ADAMTS3: variants seen among roughly 807,000 people sequenced by gnomAD.
ADAMTS3 encodes the protein ADAM metallopeptidase with thrombospondin type 1 motif 3, also known as A disintegrin and metalloproteinase with thrombospondin motifs 3.
A neutral mutation model predicts 129.0 loss-of-function variants in ADAMTS3; 73 were observed. That is an observed-to-expected ratio of 0.57 (90% CI 0.47 to 0.69). The LOEUF (loss-of-function observed/expected upper bound fraction) is 0.69, where lower values mean the gene tolerates loss of function less well. Among genes scored for constraint, ADAMTS3 ranks in the 30% least tolerant of loss-of-function variants. ADAMTS3 has a pLI of 0.00. For synonymous variants in ADAMTS3, 477 were observed against 510.8 expected, an observed-to-expected ratio of 0.93 and a Z score of 0.89; for missense variants, 1,457 against 1,514.5, an observed-to-expected ratio of 0.96 and a Z score of 0.63.
At chr4:72,518,761 A>T (rs1720570374) in intron 3 of ADAMTS3, among the ~76,000 whole-genome samples, 1 of 150,888 alleles carries the variant, frequency 6.6e-6, no homozygotes, top group Non-Finnish European at 1.5e-5. Context: ...TCCTGAATAC[A>T]GCACACTGAT....
At chr4:72,523,072 G>C (rs914042199) in intron 3 of ADAMTS3, among the ~76,000 whole-genome samples, 3 of 151,840 alleles carry the variant, frequency 2.0e-5, no homozygotes, top group Non-Finnish European at 4.4e-5. Flanking sequence ...AACTTTATAA[G>C]AGTCTTAGAT....
At chr4:72,439,290 AAAGT>A (rs1560516039) in intron 3 of ADAMTS3, among the ~76,000 whole-genome samples, 2 of 151,722 alleles carry the variant, frequency 1.3e-5, no homozygotes, top group Admixed American at 6.6e-5. Context: ...CAACAACAAA[AAAGT>A]ATTTAGCTTC....
At chr4:72,506,830 C>A (rs1720171428) in intron 3 of ADAMTS3, among the ~76,000 whole-genome samples, 1 of 152,148 alleles carries the variant, frequency 6.6e-6, no homozygotes. Context: ...CCCACATTTT[C>A]CCCCACCAGG....
intron 3 of ADAMTS3, among the ~76,000 whole-genome samples, chr4:72,471,822 T>C (rs1719082156): frequency 6.6e-6 from 1 of 152,100 alleles, no homozygotes; most frequent in African/African-American, 2.4e-5. Context: ...TCTCTGATTT[T>C]CATTATGGTA....
At chr4:72,381,669 T>C (rs1343324887) in intron 4 of ADAMTS3, among the ~76,000 whole-genome samples, 1 of 152,038 alleles carries the variant, frequency 6.6e-6, no homozygotes, top group Non-Finnish European at 1.5e-5. Context: ...CACCCAGAAC[T>C]GGACTGCAAA....
chr4:72,505,961 A>G (rs1173290681), intron 3 of ADAMTS3, among the ~76,000 whole-genome samples: 1 of 152,182 alleles, frequency 6.6e-6, no homozygotes, highest in African/African-American at 2.4e-5. Flanking sequence ...CTGAACAAAA[A>G]GAGTGGGGCA....
intron 3 of ADAMTS3, among the ~76,000 whole-genome samples, chr4:72,502,051 A>C (rs1478319538): frequency 6.6e-6 from 1 of 152,070 alleles, no homozygotes; most frequent in Non-Finnish European, 1.5e-5. Context: ...TCTATGTTTA[A>C]CAGAGATATT....
intron 5 of ADAMTS3, among the ~76,000 whole-genome samples, chr4:72,338,429 T>C (rs544815415): frequency 1.3e-5 from 2 of 152,152 alleles, no homozygotes; most frequent in Non-Finnish European, 2.9e-5. Context: ...TCTGTACTCA[T>C]TTTCCATTTC....
intron 3 of ADAMTS3, among the ~76,000 whole-genome samples, chr4:72,470,941 C>A (rs1421359436): frequency 6.6e-6 from 1 of 152,092 alleles, no homozygotes; most frequent in African/African-American, 2.4e-5. Context: ...AGTGCACAAC[C>A]ATATACCACT....
At chr4:72,504,542 C>T (rs1201570647) in intron 3 of ADAMTS3, among the ~76,000 whole-genome samples, 1 of 151,942 alleles carries the variant, frequency 6.6e-6, no homozygotes, top group Non-Finnish European at 1.5e-5. Flanking sequence ...GACCATATGC[C>T]TTAGGGATGT....
chr4:72,392,389 C>G (rs1721618013), intron 4 of ADAMTS3, among the ~76,000 whole-genome samples: 1 of 152,146 alleles, frequency 6.6e-6, no homozygotes, highest in African/African-American at 2.4e-5. Context: ...CCATCACCAC[C>G]CTATCCCATC....
intron 3 of ADAMTS3, among the ~76,000 whole-genome samples, chr4:72,501,960 GC>G (rs35979739): frequency 0.87 from 132,417 of 152,140 alleles, 58,676 homozygotes; most frequent in Middle Eastern, 0.97. Context: ...CAGCAATGAA[GC>G]CTACTTGATC....
At chr4:72,428,837 C>T (rs560820473) in intron 3 of ADAMTS3, among the ~76,000 whole-genome samples, 317 of 152,068 alleles carry the variant, frequency 2.1e-3, no homozygotes, top group African/African-American at 7.2e-3. Context: ...TATTAGAGCT[C>T]CCAAGACATG....
rs1221905757 is a variant in ADAMTS3 at position 72,319,325 on chromosome 4, G to T, written c.1352+7C>A. The T allele has an allele frequency of 1.2e-6, 2 of 1,613,660 alleles. No homozygotes were observed. The highest frequency in any genetic ancestry group is 2.7e-5 in the African/African-American group (2 of 74,876). Reference sequence around the variant, plus strand: ...AATACTTTCATGACATGCAGCAGGGGACATACTGGATATATCTTTTCAGTT... The same window carrying T: ...AATACTTTCATGACATGCAGCAGGGTACATACTGGATATATCTTTTCAGTT... On this transcript the variant is annotated splice_region_variant and intron_variant, in intron 9 of 21. Transcript: ENST00000286657.
At chr4:72,313,993 G>T (rs577831301) in intron 11 of ADAMTS3, among the ~76,000 whole-genome samples, 171 bp from the exon 12 acceptor site, 4 of 151,756 alleles carry the variant, frequency 2.6e-5, no homozygotes, top group Admixed American at 2.6e-4. Flanking sequence ...CCCTATTAAA[G>T]GGTAATTTAG....
intron 1 of ADAMTS3, 63 bp downstream of exon 1, chr4:72,568,631 G>A (rs1422571013): frequency 2.3e-6 from 3 of 1,292,542 alleles, no homozygotes; most frequent in East Asian, 2.4e-5. Flanking sequence ...GTAGAGAGGG[G>A]AGGAACTTTT....
chr4:72,287,259 A>AT (rs1001808447), intron 21 of ADAMTS3, among the ~76,000 whole-genome samples: 56 of 151,514 alleles, frequency 3.7e-4, no homozygotes, highest in African/African-American at 1.2e-3. Context: ...CTGAGCAATA[A>AT]TTTTTTTTTA....
At chr4:72,530,648 AATATT>A (rs1243538742) in intron 3 of ADAMTS3, among the ~76,000 whole-genome samples, 44 of 78,912 alleles carry the variant, frequency 5.6e-4, no homozygotes, top group African/African-American at 2.0e-3. Context: ...TATTATATAT[AATATT>A]ATATATATTA....
rs1182247108 is a variant in ADAMTS3 at position 72,283,006 on chromosome 4, G to A, written c.*130C>T. On this transcript the variant is annotated 3_prime_UTR_variant, in exon 22 of 22. Transcript: ENST00000286657. Reference sequence around the variant, plus strand: ...ACTAGAAAGTGAGCCAGCACTTTCTGTTCTTCCAATTACAGATAAAATGAG... The same window carrying A: ...ACTAGAAAGTGAGCCAGCACTTTCTATTCTTCCAATTACAGATAAAATGAG... The A allele has an allele frequency of 1.3e-6, 1 of 772,410 alleles. No individual in the cohort carries two copies. The highest frequency in any genetic ancestry group is 3.0e-5 in the Admixed American group (1 of 33,254). 47.8% of individuals were successfully genotyped at this position (772,410 alleles called of 1,614,324 possible).
Sources: allele counts gnomAD v4.1 joint callset (sites outside exome capture counted in the v4.1 genomes callset), GRCh38; gene constraint gnomAD v4.1.1; transcripts MANE v1.5; gene names NCBI Gene and HGNC (gene_info 2026-07-23, HGNC 2026-07-21).